Variants in DOCK11 observed in about 807,000 individuals in gnomAD.
The protein encoded by DOCK11 is dedicator of cytokinesis 11, also known as dedicator of cytokinesis protein 11.
In DOCK11, 70 loss-of-function variants were observed where a neutral mutation model predicts 169.1. The ratio of observed to expected loss-of-function variants is 0.41; its 90% confidence interval spans 0.34 to 0.51. The LOEUF (loss-of-function observed/expected upper bound fraction) is 0.51, where lower values mean the gene tolerates loss of function less well. Ranked by LOEUF, DOCK11 falls within the 20% of genes least tolerant of loss-of-function variation. DOCK11 has a pLI of 0.10. For synonymous variants in DOCK11, 529 were observed against 541.3 expected (o/e 0.98, Z 0.32); for missense variants, 1,166 against 1,538.8 (o/e 0.76, Z 4.05).
chrX:118,579,591 A>G (rs2013560266), intron 13 of DOCK11, among the ~76,000 whole-genome samples: 1 of 112,013 alleles, frequency 8.9e-6, no homozygotes, highest in Non-Finnish European at 1.9e-5. Context: ...CAGCATTTCG[A>G]GTCTGTTTAG....
chrX:118,610,118 C>T (rs187355205), intron 27 of DOCK11, among the ~76,000 whole-genome samples, 154 bp from the exon 28 acceptor site: 1 of 112,083 alleles, frequency 8.9e-6, no homozygotes, highest in Non-Finnish European at 1.9e-5. Flanking sequence ...GAGTGAAGTA[C>T]ATCTTGAACT....
chrX:118,593,284 G>A lies in DOCK11; in HGVS notation c.2210G>A (p.Cys737Tyr). The A allele has an allele frequency of 8.3e-7, 1 of 1,205,879 alleles. No individual in the cohort carries two copies. The highest frequency in any genetic ancestry group is 1.1e-6 in the Non-Finnish European group (1 of 893,090). Residue 737 changes from cysteine to tyrosine, a missense_variant, in exon 20 of 53, where the codon TGT becomes TAT. Physicochemically the swap from Cys to Tyr is radical, Grantham distance 194. Coordinates refer to ENST00000276202, the MANE Select transcript of DOCK11 (RefSeq NM_144658.4). ...CTTTTCACTTTTTATCATGTAAGTT[G>A]TGAAATTAACACAAAGGGAACAACC... The part of the protein sequence containing the change: ...HLLFTFYHVS[C>Y]EINTKGTTKK...
At chrX:118,628,311 T>C (rs769164233) in intron 34 of DOCK11, 39 bp downstream of exon 34, 3 of 960,362 alleles carry the variant, frequency 3.1e-6, no homozygotes, top group Non-Finnish European at 4.4e-6. Flanking sequence ...TAGTGACACA[T>C]TAGCCTGCAA....
At chrX:118,637,140 A>AT (rs535002565) in intron 36 of DOCK11, among the ~76,000 whole-genome samples, 56 of 111,057 alleles carry the variant, frequency 5.0e-4, no homozygotes, top group South Asian at 1.1e-3. Context: ...AGCAGTTAAG[A>AT]TTTTTTTTTA....
At chrX:118,587,083 A>G (rs1300235477) in intron 16 of DOCK11, among the ~76,000 whole-genome samples, 1 of 112,055 alleles carries the variant, frequency 8.9e-6, no homozygotes, top group Admixed American at 9.5e-5. Context: ...TGTTATTTAT[A>G]TTGGAGGAAA....
Position 118,641,321 on chromosome X carries a change from T to A in DOCK11, c.4260+16T>A. ...GTGCTTCAAGGTAAAAATGAAGAGT[T>A]ATAATTCAGTTGGTACCATTGCAAA... On this transcript the variant is annotated intron_variant, in intron 39 of 52. Coordinates refer to ENST00000276202, the MANE Select transcript of DOCK11 (RefSeq NM_144658.4). The A allele has an allele frequency of 9.2e-7, 1 of 1,083,156 alleles. No homozygotes were observed. The highest frequency in any genetic ancestry group is 1.3e-6 in the Non-Finnish European group (1 of 780,607). 89.3% of individuals were successfully genotyped at this position (1,083,156 alleles called of 1,213,427 possible). A position where few individuals can be genotyped will look rare whatever the true frequency, so the allele number is the denominator to read the frequency against.
chrX:118,513,869 G>A (rs1289142010), intron 1 of DOCK11, among the ~76,000 whole-genome samples: 15 of 111,617 alleles, frequency 1.3e-4, no homozygotes, highest in Non-Finnish European at 2.1e-4. Flanking sequence ...GCCTTATGGG[G>A]GAGCAGCAGC....
In DOCK11 at chrX:118,513,235, C is replaced by G. The variant is rs188950421; in HGVS notation, c.102+17162C>G. 8.0e-5 allele frequency among the ~76,000 whole-genome samples: 9 copies of G among 112,072 alleles called. No individual in the cohort carries two copies. The East Asian group carries it at 2.3e-3, about 29-fold the overall frequency. ...TGTGCTTTGTGGCACAGAGCCATCA[C>G]TGTGTTTATTTTTTTTAAACCTTTT... is the stretch of plus-strand genomic sequence containing the variant. On this transcript the variant is annotated intron_variant, in intron 1 of 52. Coordinates refer to ENST00000276202, the MANE Select transcript of DOCK11 (RefSeq NM_144658.4).
chrX:118,608,965 G>T (rs752949945), intron 26 of DOCK11, among the ~76,000 whole-genome samples: 1 of 111,159 alleles, frequency 9.0e-6, no homozygotes, highest in East Asian at 2.8e-4. Context: ...ATTTAAAAGC[G>T]GTAACAAGAT....
intron 41 of DOCK11, 90 bp from the exon 42 acceptor site, chrX:118,651,874 A>G (rs1281072572): frequency 1.8e-6 from 1 of 571,371 alleles, no homozygotes; most frequent in Non-Finnish European, 2.8e-6. Flanking sequence ...GAAGCATTTC[A>G]TGTGAGTGCT....
intron 12 of DOCK11, among the ~76,000 whole-genome samples, chrX:118,576,179 C>T (rs918781513): frequency 1.8e-5 from 2 of 111,863 alleles, no homozygotes; most frequent in African/African-American, 6.5e-5. Context: ...AACCCTAGCA[C>T]ATGCCCTGCC....
intron 13 of DOCK11, 53 bp downstream of exon 13, chrX:118,578,700 T>C (rs768140175): frequency 1.9e-5 from 21 of 1,096,684 alleles, no homozygotes; most frequent in Non-Finnish European, 2.5e-5. Context: ...GAATTTGCCT[T>C]TTACTGATAT....
At chrX:118,683,410 G>A (rs1421553169) in intron 52 of DOCK11, among the ~76,000 whole-genome samples, 193 bp downstream of exon 52, 1 of 112,256 alleles carries the variant, frequency 8.9e-6, no homozygotes, top group African/African-American at 3.2e-5. Context: ...AAAGTGGTTA[G>A]TGATGCAGTT....
intron 14 of DOCK11, among the ~76,000 whole-genome samples, chrX:118,583,402 C>T (rs766134566): frequency 9.0e-6 from 1 of 110,534 alleles, no homozygotes; most frequent in Non-Finnish European, 1.9e-5. Flanking sequence ...ACATTCTGCA[C>T]ATGTATTCCA....
At chrX:118,550,508 CA>C (rs765474583) in intron 6 of DOCK11, among the ~76,000 whole-genome samples, 22 of 111,710 alleles carry the variant, frequency 2.0e-4, no homozygotes, top group Non-Finnish European at 3.6e-4. Flanking sequence ...GCAGTGTTGA[CA>C]CATCATTTTT....
intron 1 of DOCK11, among the ~76,000 whole-genome samples, chrX:118,517,983 T>A (rs1401680780): frequency 8.9e-6 from 1 of 111,879 alleles, no homozygotes; most frequent in East Asian, 2.8e-4. Flanking sequence ...GTGTGAAATG[T>A]ATCTCAGGTT....
intron 38 of DOCK11, among the ~76,000 whole-genome samples, chrX:118,640,941 G>A (rs188519724): frequency 9.7e-4 from 107 of 110,702 alleles, no homozygotes; most frequent in Non-Finnish European, 1.2e-3. Context: ...TTGTAGGTAC[G>A]TGCCACCATG....
chrX:118,611,840 C>T (rs2014691831), intron 28 of DOCK11, among the ~76,000 whole-genome samples: 2 of 111,041 alleles, frequency 1.8e-5, no homozygotes, highest in African/African-American at 6.6e-5. Flanking sequence ...CTGCAACCTC[C>T]GCCTCTTGGG....
rs933957246 is a variant in DOCK11, at chrX:118,651,946, A to T, written c.4582-18A>T. The T allele has an allele frequency of 1.2e-5, 13 of 1,115,149 alleles. No individual in the cohort carries two copies. The Admixed American group carries it at 1.4e-4, about 12-fold the overall frequency. The allele number at this position is 1,115,149 out of a possible 1,213,427, so 91.9% of individuals were successfully genotyped here. A position where few individuals can be genotyped will look rare whatever the true frequency, so the allele number is the denominator to read the frequency against. On this transcript the variant is annotated intron_variant, in intron 41 of 52. Coordinates refer to ENST00000276202, the MANE Select transcript of DOCK11 (RefSeq NM_144658.4). ...GTTCAAAAGTTATTTGGAAAATAAT[A>T]TTTACTTCTTCCCACAGATAATAAT...
Sources: gnomAD v4.1 joint callset for allele counts (sites outside exome capture counted in the v4.1 genomes callset) on GRCh38, gnomAD v4.1.1 for gene constraint, MANE v1.5 for transcripts, NCBI Gene and HGNC (gene_info 2026-07-23, HGNC 2026-07-21) for gene names.